OR6J1: variants seen among roughly 807,000 people sequenced by gnomAD.
OR6J1 encodes olfactory receptor 6J1.
For synonymous variants in OR6J1, 109 were observed against 70.0 expected (o/e 1.56, Z -2.78); for missense variants, 304 against 166.8 (o/e 1.82, Z -4.53).
chr14:22,642,956 T>C (rs1458449942), intron 1 of OR6J1, among the ~76,000 whole-genome samples: 1 of 150,046 alleles, frequency 6.7e-6, no homozygotes, highest in Non-Finnish European at 1.5e-5. Flanking sequence ...GTGCACACCA[T>C]CACACCTGGA....
At chr14:22,643,756 CACACACACAGAGAGAGAG>C (rs1313906706) in intron 1 of OR6J1, among the ~76,000 whole-genome samples, 48 of 73,136 alleles carry the variant, frequency 6.6e-4, no homozygotes, top group African/African-American at 2.5e-3. Context: ...CACACACACA[CACACACACAGAGAGAGAG>C]AGAGAGAGAG....
chr14:22,631,357 C>T lies in OR6J1; in HGVS notation c.*2411G>A, dbSNP rs1200593177. ...AAAAGACGGGCACGCCCAGGGGGGC[C>T]GTCTATAGGACTACACTCCCAGGCG... is the stretch of plus-strand genomic sequence containing the variant. On this transcript the variant is annotated 3_prime_UTR_variant, in exon 2 of 2. Coordinates refer to ENST00000540461, the MANE Select transcript of OR6J1 (RefSeq NM_001348233.2). 6.6e-6 allele frequency: 1 copy of T among 152,142 alleles called. No homozygotes were observed. Among genetic ancestry groups the T allele is most frequent in the Non-Finnish European group, 1.5e-5 (1 of 68,040 alleles). 9.4% of individuals were successfully genotyped at this position (152,142 alleles called of 1,614,324 possible).
Position 22,632,812 on chromosome 14 carries a change from C to T in OR6J1, c.*956G>A, listed in dbSNP as rs1014300803. 2 of 152,210 alleles carry T rather than the reference C, an allele frequency of 1.3e-5. No homozygotes were observed. Among genetic ancestry groups the T allele is most frequent in the African/African-American group, 2.4e-5 (1 of 41,428 alleles). The allele number at this position is 152,210 out of a possible 1,614,324, so 9.4% of individuals were successfully genotyped here. A position where few individuals can be genotyped will look rare whatever the true frequency, so the allele number is the denominator to read the frequency against. Reference sequence around the variant, plus strand: ...TAGGAAGTCATGAGAGAAGAGGGCTCTTTGTGTTGTGCCTTTGTGTTGTGA... The same window carrying T: ...TAGGAAGTCATGAGAGAAGAGGGCTTTTTGTGTTGTGCCTTTGTGTTGTGA... On this transcript the variant is annotated 3_prime_UTR_variant, in exon 2 of 2. Transcript: ENST00000540461.
At chr14:22,635,108 A>G (rs938590897) in intron 1 of OR6J1, among the ~76,000 whole-genome samples, 2 of 152,212 alleles carry the variant, frequency 1.3e-5, no homozygotes, top group African/African-American at 2.4e-5. Context: ...GTGTGTCAAA[A>G]ACCTTAAAAT....
At chr14:22,643,356 T>C (rs1410921942) in intron 1 of OR6J1, among the ~76,000 whole-genome samples, 1 of 151,762 alleles carries the variant, frequency 6.6e-6, no homozygotes, top group Non-Finnish European at 1.5e-5. Context: ...AGTGCAGTGG[T>C]GCAATCATAA....
chr14:22,641,560 A>G (rs1323475547), intron 1 of OR6J1, among the ~76,000 whole-genome samples: 1 of 108,456 alleles, frequency 9.2e-6, no homozygotes, highest in Non-Finnish European at 2.1e-5. Flanking sequence ...GAAATAAAGA[A>G]AAAGAAAAAA....
rs942784140 is a variant in OR6J1 at position 22,634,782 on chromosome 14, C to G, written c.30G>C (p.Glu10Asp). The G allele has an allele frequency of 1.4e-6, 1 of 699,582 alleles. No individual in the cohort carries two copies. Among genetic ancestry groups the G allele is most frequent in the East Asian group, 2.7e-5 (1 of 37,280 alleles). The allele number at this position is 699,582 out of a possible 1,614,324, so 43.3% of individuals were successfully genotyped here. A position where few individuals can be genotyped will look rare whatever the true frequency, so the allele number is the denominator to read the frequency against. ...TCAGGGAAAACCCCAGCAGAACAAA[C>G]TCAGTCACCGCTGCAGTCCAGTTAC... The part of the protein sequence containing the change: MGNWTAAVT[E>D]FVLLGFSLSR... Residue 10 changes from glutamate (E) to aspartate (D), a missense_variant, in exon 2 of 2, where the codon GAG becomes GAC. Transcript: ENST00000540461.
Position 22,632,688 on chromosome 14 carries a change from C to T in OR6J1, c.*1080G>A, listed in dbSNP as rs1036284734. 4.6e-5 allele frequency: 7 copies of T among 152,184 alleles called. No individual in the cohort carries two copies. The highest frequency in any genetic ancestry group is 1.4e-4 in the African/African-American group (6 of 41,430). The allele number at this position is 152,184 out of a possible 1,614,324, so 9.4% of individuals were successfully genotyped here. On this transcript the variant is annotated 3_prime_UTR_variant, in exon 2 of 2. Transcript: ENST00000540461. ...CTTTTTGGTCACAAGAATCTAAGAC[C>T]TTCTCAAGATAGCTCAATAAAAAGG...
In OR6J1 at chr14:22,636,224, C is replaced by T. The variant is rs1486089629; in HGVS notation, c.-27-1386G>A. Among the ~76,000 whole-genome samples, 4 of 109,582 alleles carry T rather than the reference C, an allele frequency of 3.7e-5. No individual in the cohort carries two copies. In the South Asian group the frequency reaches 1.2e-3, roughly 32 times the overall value. 71.9% of individuals were successfully genotyped at this position (109,582 alleles called of 152,430 possible). On this transcript the variant is annotated intron_variant, in intron 1 of 1. Coordinates refer to ENST00000540461, the MANE Select transcript of OR6J1 (RefSeq NM_001348233.2). ...AAGGAAATATAAATTAAGACACTAG[C>T]GCCCTCTCCCTCTCCCTCTCCCTCT...
At chr14:22,639,994 TTA>T (rs1491415143) in intron 1 of OR6J1, among the ~76,000 whole-genome samples, 1,324 of 22,680 alleles carry the variant, frequency 0.058, 161 homozygotes, top group East Asian at 0.3. Context: ...AAAAATAAAT[TTA>T]AAAAAAAAAA....
At chr14:22,641,394 A>G (rs1594904099) in intron 1 of OR6J1, among the ~76,000 whole-genome samples, 3 of 66,830 alleles carry the variant, frequency 4.5e-5, no homozygotes, top group South Asian at 1.0e-3. Flanking sequence ...AGAGAGAGAG[A>G]GAGAAAGGAA....
intron 1 of OR6J1, among the ~76,000 whole-genome samples, chr14:22,641,193 A>G (rs2037642133): frequency 3.7e-5 from 2 of 54,076 alleles, no homozygotes; most frequent in South Asian, 5.7e-4. Flanking sequence ...AAAGAGAGAC[A>G]GAGAGGGAGA....
rs955235868 is a variant in OR6J1, at chr14:22,633,337, G to A, written c.*431C>T. ...ATTGCAAATGCCCGAAAAAAAAATG[G>A]ATATGATAGTGGATTAGAGAATAAT... On this transcript the variant is annotated 3_prime_UTR_variant, in exon 2 of 2. Coordinates refer to ENST00000540461, the MANE Select transcript of OR6J1 (RefSeq NM_001348233.2). 2.8e-5 allele frequency: 4 copies of A among 141,414 alleles called. No homozygotes were observed. The South Asian group carries it at 7.7e-4, about 27-fold the overall frequency. 8.8% of individuals were successfully genotyped at this position (141,414 alleles called of 1,614,324 possible).
intron 1 of OR6J1, among the ~76,000 whole-genome samples, chr14:22,638,035 G>C (rs1296206339): frequency 1.0e-5 from 1 of 98,262 alleles, no homozygotes; most frequent in Admixed American, 8.5e-5. Flanking sequence ...TGGTGGGGGG[G>C]TCAGCCCCCC....
chr14:22,633,787 G>C lies in OR6J1; in HGVS notation c.1025C>G (p.Ser342Cys). 1 of 692,698 alleles carries C rather than the reference G, an allele frequency of 1.4e-6. No individual in the cohort carries two copies. The allele number at this position is 692,698 out of a possible 1,614,324, so 42.9% of individuals were successfully genotyped here. A position where few individuals can be genotyped will look rare whatever the true frequency, so the allele number is the denominator to read the frequency against. ...CTCTTTCTAACACTGGAGCTTTACA[G>C]AATAGACACATGGTGGAGAAGAGCA... ...RACSSPPCVY[S>C]VKLQC Residue 342 changes from serine to cysteine, a missense_variant, in exon 2 of 2, where the codon TCT becomes TGT. Ser to Cys is a moderately radical substitution (Grantham distance 112, BLOSUM62 -1). Coordinates refer to ENST00000540461, the MANE Select transcript of OR6J1 (RefSeq NM_001348233.2).
At chr14:22,636,556 GCACGC>G (rs2037588103) in intron 1 of OR6J1, among the ~76,000 whole-genome samples, 1 of 115,622 alleles carries the variant, frequency 8.6e-6, no homozygotes. Flanking sequence ...GATTGCAGGC[GCACGC>G]CGCCACGCCT....
chr14:22,639,182 G>A (rs1233824704), intron 1 of OR6J1, among the ~76,000 whole-genome samples: 1 of 116,456 alleles, frequency 8.6e-6, no homozygotes, highest in East Asian at 2.1e-4. Context: ...ACCCCATCTG[G>A]GAAGTGAGGA....
At position 22,633,413 on chromosome 14, in the gene OR6J1, G is replaced by A. The variant is rs549489101; in HGVS notation, c.*355C>T. On this transcript the variant is annotated 3_prime_UTR_variant, in exon 2 of 2. Transcript: ENST00000540461. The stretch of plus-strand genomic sequence containing the variant: ...CAGAGGATGGAAAGAAAGAGGGTCC[G>A]TGCAGAGAAGTTCAGGAAGGACTTC... 3 of 210,518 alleles carry A rather than the reference G, an allele frequency of 1.4e-5. No individual in the cohort carries two copies. The highest frequency in any genetic ancestry group is 5.1e-5 in the Admixed American group (1 of 19,494). 13.0% of individuals were successfully genotyped at this position (210,518 alleles called of 1,614,324 possible).
chr14:22,631,237 C>T lies in OR6J1; in HGVS notation c.*2531G>A, dbSNP rs1047351240. The T allele has an allele frequency of 5.9e-5, 9 of 152,100 alleles. No homozygotes were observed. Among genetic ancestry groups the T allele is most frequent in the African/African-American group, 2.4e-5 (1 of 41,408 alleles). 9.4% of individuals were successfully genotyped at this position (152,100 alleles called of 1,614,324 possible). Reference sequence around the variant, plus strand: ...AGGGTTTTGAGAGCAACCAGTCTGACCAAAATTTATTAGGTGGAAATTTCC... The same window carrying T: ...AGGGTTTTGAGAGCAACCAGTCTGATCAAAATTTATTAGGTGGAAATTTCC... On this transcript the variant is annotated 3_prime_UTR_variant, in exon 2 of 2. Transcript: ENST00000540461.
Sources: gnomAD v4.1 joint callset for allele counts (sites outside exome capture counted in the v4.1 genomes callset) on GRCh38, gnomAD v4.1.1 for gene constraint, MANE v1.5 for transcripts, NCBI Gene and HGNC (gene_info 2026-07-23, HGNC 2026-07-21) for gene names.